The following PARD3B variants were observed in gnomAD, a reference collection of about 807,000 sequenced individuals.
PARD3B encodes the protein par-3 family cell polarity regulator beta.
In PARD3B, 103 loss-of-function variants were observed where a neutral mutation model predicts 130.2. The ratio of observed to expected loss-of-function variants is 0.79; its 90% CI spans 0.67 to 0.93. The LOEUF is 0.93. Among genes scored for constraint, PARD3B ranks in the 40% least tolerant of loss-of-function variants. PARD3B has a pLI of 0.00. For missense variants in PARD3B, 1,609 were observed against 1,499.2 expected, an observed-to-expected ratio of 1.07 and a Z score of -1.21; for synonymous variants, 583 against 553.2, an observed-to-expected ratio of 1.05 and a Z score of -0.76.
At chr2:205,186,453 G>T (rs558629462) in intron 14 of PARD3B, among the ~76,000 whole-genome samples, 10 of 152,218 alleles carry the variant, frequency 6.6e-5, no homozygotes, top group Non-Finnish European at 1.3e-4. Flanking sequence ...CATAGATTTT[G>T]TTCTTCTGAT....
chr2:205,372,090 T>G (rs1258469186), intron 18 of PARD3B, among the ~76,000 whole-genome samples: 6 of 152,210 alleles, frequency 3.9e-5, no homozygotes, highest in African/African-American at 1.4e-4. Context: ...TTTCCACCTT[T>G]TGTCTATTGT....
chr2:205,125,698 C>G lies in PARD3B; in HGVS notation c.1395C>G (p.Val465=). 2.5e-6 allele frequency: 4 copies of G among 1,614,108 alleles called. No homozygotes were observed. The highest frequency in any genetic ancestry group is 1.6e-4 in the Middle Eastern group (1 of 6,062). ...AGCAGGGGGAGACAGCATCGCTGGT[C>G]ATTGCCCGCCAAGAAGGACATTTTC... ...STKQGETASL[V]IARQEGHFLP... is the part of the protein sequence containing the mutation. Residue 465 remains valine, a synonymous_variant, in exon 10 of 23, where the codon GTC becomes GTG. Transcript: ENST00000406610. This position sits in a 1 kb window ranked among gnomAD's most constrained non-coding sequence, Gnocchi z 4.0.
intron 2 of PARD3B, among the ~76,000 whole-genome samples, chr2:204,904,570 T>A (rs1057377702): frequency 1.3e-5 from 2 of 152,094 alleles, no homozygotes; most frequent in South Asian, 2.1e-4. Context: ...ATGAAAAAAA[T>A]TAAAATTTAA....
At chr2:205,362,163 G>A (rs1477421123) in intron 18 of PARD3B, among the ~76,000 whole-genome samples, 1 of 152,142 alleles carries the variant, frequency 6.6e-6, no homozygotes, top group Non-Finnish European at 1.5e-5. Flanking sequence ...AGTAGTCACT[G>A]CTGACTCAGA....
intron 2 of PARD3B, among the ~76,000 whole-genome samples, chr2:204,963,245 G>A (rs1162026352): frequency 1.3e-5 from 2 of 152,096 alleles, no homozygotes; most frequent in African/African-American, 2.4e-5. Flanking sequence ...TGCATACACT[G>A]TATTCTTATG....
At chr2:205,521,176 G>GTGTT (rs1163795986) in intron 21 of PARD3B, among the ~76,000 whole-genome samples, 4 of 151,558 alleles carry the variant, frequency 2.6e-5, no homozygotes, top group Non-Finnish European at 5.9e-5. Flanking sequence ...TTAAAATTGA[G>GTGTT]TGTTTGTATT....
At chr2:205,136,328 T>C (rs532780110) in intron 10 of PARD3B, among the ~76,000 whole-genome samples, 1 of 152,226 alleles carries the variant, frequency 6.6e-6, no homozygotes. Context: ...ATAGAACTTA[T>C]TTACTTCTAC....
intron 2 of PARD3B, among the ~76,000 whole-genome samples, chr2:204,725,412 A>G (rs908577554): frequency 2.0e-5 from 3 of 152,178 alleles, no homozygotes; most frequent in African/African-American, 7.2e-5. Flanking sequence ...TATAGCAAAC[A>G]CAGTAATTTT....
In PARD3B at chr2:204,861,924, CAAAAAAAAA is replaced by C. The variant is rs60473341; in HGVS notation, c.223-103209_223-103201del. On this transcript the variant is annotated intron_variant, in intron 2 of 22. Transcript: ENST00000406610. Reference sequence around the variant, plus strand: ...AAGACATTTAAAAGAAGACATTTCTCAAAAAAAAAAAAAAAAAAAAAAAAAAAGAAATGG... The same window carrying C: ...AAGACATTTAAAAGAAGACATTTCTCAAAAAAAAAAAAAAAAAAGAAATGG... 1.3e-3 allele frequency among the ~76,000 whole-genome samples: 45 copies of C among 34,078 alleles called. 1 individual carries two copies. The highest frequency in any genetic ancestry group is 3.6e-3 in the African/African-American group (41 of 11,384). 22.4% of individuals were successfully genotyped at this position (34,078 alleles called of 152,430 possible).
At chr2:205,559,359 T>A (rs1249929509) in intron 22 of PARD3B, among the ~76,000 whole-genome samples, 1 of 152,110 alleles carries the variant, frequency 6.6e-6, no homozygotes, top group Middle Eastern at 3.2e-3. Flanking sequence ...TTGCCCAGGC[T>A]GGTCTCGAAC....
intron 1 of PARD3B, among the ~76,000 whole-genome samples, chr2:204,600,138 TGATTG>T (rs1469243397): frequency 6.6e-6 from 1 of 151,962 alleles, no homozygotes; most frequent in African/African-American, 2.4e-5. Context: ...CTTTTTTCTC[TGATTG>T]TTTCCTTTGC....
chr2:205,420,529 T>A (rs1334068079), intron 19 of PARD3B, among the ~76,000 whole-genome samples: 1 of 152,138 alleles, frequency 6.6e-6, no homozygotes, highest in Non-Finnish European at 1.5e-5. Flanking sequence ...TGTTCACATA[T>A]CCATCAACAC....
At chr2:205,392,161 C>T (rs983007507) in intron 18 of PARD3B, among the ~76,000 whole-genome samples, 9 of 152,156 alleles carry the variant, frequency 5.9e-5, no homozygotes, top group African/African-American at 2.2e-4. Flanking sequence ...TCAGGGATTC[C>T]CAGCAGCTGA....
At position 205,292,069 on chromosome 2, in the gene PARD3B, C is replaced by A. The variant is rs985770307; in HGVS notation, c.2186-8461C>A. 4.6e-5 allele frequency among the ~76,000 whole-genome samples: 7 copies of A among 152,250 alleles called. No individual in the cohort carries two copies. In the East Asian group the frequency reaches 1.4e-3, roughly 29 times the overall value. On this transcript the variant is annotated intron_variant, in intron 16 of 22. Coordinates refer to ENST00000406610, the MANE Select transcript of PARD3B (RefSeq NM_001302769.2). This position sits in a 1 kb window ranked among gnomAD's most constrained non-coding sequence, Gnocchi z 5.3. ...CAGCCAAACACCACTGGGTTCTATT[C>A]CTTGTGCTGTAGTGTCAAATTGCTT...
At chr2:204,899,195 T>TCCCTTCCCC (rs2046757346) in intron 2 of PARD3B, among the ~76,000 whole-genome samples, 1 of 125,040 alleles carries the variant, frequency 8.0e-6, no homozygotes. Flanking sequence ...CTCCCTTCCC[T>TCCCTTCCCC]CCCTTCCCTC....
chr2:205,245,319 A>G (rs912298506), intron 15 of PARD3B, among the ~76,000 whole-genome samples: 1 of 152,212 alleles, frequency 6.6e-6, no homozygotes, highest in Non-Finnish European at 1.5e-5. Context: ...AATTGTTTCA[A>G]GGGGAATTAC....
chr2:204,719,782 G>A (rs2038908476), intron 2 of PARD3B, among the ~76,000 whole-genome samples: 1 of 130,488 alleles, frequency 7.7e-6, no homozygotes, highest in Non-Finnish European at 1.5e-5. Flanking sequence ...ACTGAATTAG[G>A]TAAATAATAC....
chr2:204,589,757 A>G (rs1017438218), intron 1 of PARD3B, among the ~76,000 whole-genome samples: 3 of 152,208 alleles, frequency 2.0e-5, no homozygotes, highest in Non-Finnish European at 2.9e-5. Context: ...GGCAAGGACA[A>G]TGTTGGTGCC....
chr2:205,379,151 CATG>C (rs2045204304), intron 18 of PARD3B, among the ~76,000 whole-genome samples: 1 of 152,136 alleles, frequency 6.6e-6, no homozygotes, highest in Non-Finnish European at 1.5e-5. Context: ...ATTTGAAACA[CATG>C]AGCAATGGTT....
Sources: allele counts gnomAD v4.1 joint callset (sites outside exome capture counted in the v4.1 genomes callset), GRCh38; gene constraint gnomAD v4.1.1; non-coding constraint Gnocchi (gnomAD v3.1); transcripts MANE v1.5; gene names NCBI Gene and HGNC (gene_info 2026-07-23, HGNC 2026-07-21).